The following TMEM63B variants were observed in gnomAD, a reference collection of about 807,000 sequenced individuals.
TMEM63B encodes transmembrane protein 63B.
A neutral mutation model predicts 102.6 loss-of-function variants in TMEM63B; 23 were observed. That is an observed-to-expected ratio of 0.22 (90% confidence interval 0.16 to 0.32). TMEM63B has a LOEUF of 0.32. Ranked by LOEUF, TMEM63B falls within the 10% of genes least tolerant of loss-of-function variation. The pLI, the probability that TMEM63B is intolerant of heterozygous loss-of-function variation, is 1.00. For missense variants in TMEM63B, 628 were observed against 1,095.9 expected (o/e 0.57, Z 6.03); for synonymous variants, 444 against 437.0 (o/e 1.02, Z -0.20).
intron 12 of TMEM63B, among the ~76,000 whole-genome samples, chr6:44,147,981 G>A (rs1765772909): frequency 6.6e-6 from 1 of 152,220 alleles, no homozygotes; most frequent in South Asian, 2.1e-4. Flanking sequence ...AAATTAGCCA[G>A]GCATGGTACT....
At position 44,139,503 on chromosome 6, in the gene TMEM63B, C is replaced by T. The variant is rs1289007843; in HGVS notation, c.444C>T (p.Ala148=). Residue 148 remains alanine, a synonymous_variant, in exon 7 of 24, where the codon GCC becomes GCT. Coordinates refer to ENST00000323267, the MANE Select transcript of TMEM63B (RefSeq NM_018426.3). ...TCCGGGACAAATGTGGGGGCGATGC[C>T]GTGCACTACCTGTCCTTTCAGCGGC... is the stretch of plus-strand genomic sequence containing the variant. ...DEIRDKCGGD[A]VHYLSFQRHI... is the part of the protein sequence containing the mutation. The T allele has an allele frequency of 7.4e-6, 12 of 1,614,060 alleles. No individual in the cohort carries two copies. In the East Asian group the frequency reaches 8.9e-5, roughly 12 times the overall value.
Position 44,148,697 on chromosome 6 carries a change from C to T in TMEM63B, c.1259+47C>T. On this transcript the variant is annotated intron_variant, in intron 14 of 23. Transcript: ENST00000323267. The surrounding 1 kb of genome is among the most constrained non-coding windows in gnomAD (Gnocchi z 5.1). ...CAGGCTTTCCAGGGCCTGGGATGGG[C>T]TCAGTAGGTAGGCGGAGGAGAGGGA... 6.2e-7 allele frequency: 1 copy of T among 1,611,268 alleles called. No individual in the cohort carries two copies. Among genetic ancestry groups the T allele is most frequent in the Non-Finnish European group, 8.5e-7 (1 of 1,177,884 alleles).
chr6:44,148,948 G>A lies in TMEM63B; in HGVS notation c.1413+3G>A, dbSNP rs1186077879. 2.5e-6 allele frequency: 4 copies of A among 1,613,910 alleles called. No homozygotes were observed. The highest frequency in any genetic ancestry group is 3.3e-5 in the Admixed American group (2 of 60,000). ...CCAAGCCTGTGGAGTACCTCAACGTGAGGCCTCATGCCCCTGTCACTTTCC... is the reference window on the plus strand; with the variant it reads ...CCAAGCCTGTGGAGTACCTCAACGTAAGGCCTCATGCCCCTGTCACTTTCC... On this transcript the variant is annotated splice_donor_region_variant and intron_variant, in intron 15 of 23. Coordinates refer to ENST00000323267, the MANE Select transcript of TMEM63B (RefSeq NM_018426.3). This position sits in a 1 kb window ranked among gnomAD's most constrained non-coding sequence, Gnocchi z 5.1.
intron 5 of TMEM63B, chr6:44,138,276 CT>C: frequency 6.2e-6 from 3 of 484,368 alleles, no homozygotes; most frequent in East Asian, 4.2e-5. Context: ...TAGTGTTGGT[CT>C]TTTTTCTTTG....
At chr6:44,127,952 C>A (rs1014243526) in intron 1 of TMEM63B, 13 of 151,806 alleles carry the variant, frequency 8.6e-5, no homozygotes, top group African/African-American at 2.7e-4. Context: ...GTGGGACCCC[C>A]GCCCCCGGCC....
intron 6 of TMEM63B, among the ~76,000 whole-genome samples, chr6:44,139,155 T>C (rs1300399244): frequency 6.6e-6 from 1 of 152,136 alleles, no homozygotes; most frequent in Admixed American, 6.5e-5. Context: ...ATTCCTCATT[T>C]TTCTTCTTCC....
chr6:44,135,025 G>A lies in TMEM63B; in HGVS notation c.168G>A (p.Leu56=). 1.9e-6 allele frequency: 3 copies of A among 1,614,238 alleles called. No individual in the cohort carries two copies. Among genetic ancestry groups the A allele is most frequent in the Non-Finnish European group, 2.5e-6 (3 of 1,180,048 alleles). ...ALDFMCFLAL[L]FLFSILRKVA... ...GCCCCCTCTTCCCTCAGGCACTGCT[G>A]TTCTTATTCTCTATCCTCCGGAAGG... The change falls in exon 3 of 24, where the codon CTG becomes CTA. Residue 56 remains leucine, a synonymous_variant. Transcript: ENST00000323267.
chr6:44,134,462 C>G (rs556807094), intron 1 of TMEM63B, 99 bp from the exon 2 acceptor site: 189 of 1,281,812 alleles, frequency 1.5e-4, no homozygotes, highest in Non-Finnish European at 1.9e-4. Flanking sequence ...ACCCAGGCAG[C>G]CTGGTGATCT....
In TMEM63B at chr6:44,155,359, G is replaced by A. The variant is rs1040657945; in HGVS notation, c.*476G>A. 1 of 152,246 alleles carries A rather than the reference G, an allele frequency of 6.6e-6. No homozygotes were observed. The highest frequency in any genetic ancestry group is 2.4e-5 in the African/African-American group (1 of 41,376). 9.4% of individuals were successfully genotyped at this position (152,246 alleles called of 1,614,324 possible). On this transcript the variant is annotated 3_prime_UTR_variant, in exon 24 of 24. Coordinates refer to ENST00000323267, the MANE Select transcript of TMEM63B (RefSeq NM_018426.3). Reference sequence around the variant, plus strand: ...TAGGGGATGCATGAGGGGGGAGGGGGTGCTGAGTGGGAGGAAGAGTCAGGC... The same window carrying A: ...TAGGGGATGCATGAGGGGGGAGGGGATGCTGAGTGGGAGGAAGAGTCAGGC...
chr6:44,150,541 ATC>A lies in TMEM63B; in HGVS notation c.1608-18_1608-17del, dbSNP rs368317078. The A allele has an allele frequency of 4.7e-4, 764 of 1,613,494 alleles. 4 individuals carry two copies. In the African/African-American group the frequency reaches 9.0e-3, roughly 19 times the overall value. The stretch of plus-strand genomic sequence containing the variant: ...TCTGTACCACTCCAGCTCCCACCCC[ATC>A]TCTCCTCTGCTTCCCTCCAGCCTGG... On this transcript the variant is annotated intron_variant, in intron 17 of 23. Coordinates refer to ENST00000323267, the MANE Select transcript of TMEM63B (RefSeq NM_018426.3). The surrounding 1 kb of genome is among the most constrained non-coding windows in gnomAD (Gnocchi z 4.7).
chr6:44,129,034 A>G (rs145894587), intron 1 of TMEM63B, among the ~76,000 whole-genome samples: 2 of 152,308 alleles, frequency 1.3e-5, no homozygotes, highest in African/African-American at 4.8e-5. Context: ...TAGCTCTACT[A>G]TTCTTCAGCT....
intron 10 of TMEM63B, among the ~76,000 whole-genome samples, chr6:44,142,617 G>T (rs1011259665): frequency 6.6e-6 from 1 of 152,174 alleles, no homozygotes; most frequent in Non-Finnish European, 1.5e-5. Flanking sequence ...ATCAGAGATT[G>T]CTCTGAGGTC....
chr6:44,127,392 G>T (rs947909941), upstream of TMEM63B: 1 of 152,062 alleles, frequency 6.6e-6, no homozygotes, highest in Non-Finnish European at 1.5e-5. Context: ...CCAGCCAAGC[G>T]CCGCCTTCGC....
In TMEM63B at chr6:44,138,368, G is replaced by T. The variant is rs925643667; in HGVS notation, c.370-112G>T. ...GTATAAGGATTTTTTTTTAGTGAGG[G>T]GTGTGGAAGCTATGCCTGGAGGTAA... On this transcript the variant is annotated intron_variant, in intron 5 of 23. Transcript: ENST00000323267. 5 of 1,321,684 alleles carry T rather than the reference G, an allele frequency of 3.8e-6. No individual in the cohort carries two copies. In the African/African-American group the frequency reaches 7.3e-5, roughly 19 times the overall value. 81.9% of individuals were successfully genotyped at this position (1,321,684 alleles called of 1,614,324 possible).
intron 9 of TMEM63B, chr6:44,140,656 C>A: frequency 1.7e-6 from 1 of 575,356 alleles, no homozygotes; most frequent in Non-Finnish European, 3.1e-6. Context: ...AATATTCCTT[C>A]CCCTTCTACA....
chr6:44,146,888 G>C lies in TMEM63B; in HGVS notation c.824G>C (p.Cys275Ser). The C allele has an allele frequency of 6.2e-7, 1 of 1,614,136 alleles. No homozygotes were observed. Among genetic ancestry groups the C allele is most frequent in the Non-Finnish European group, 8.5e-7 (1 of 1,179,996 alleles). Residue 275 changes from cysteine (C) to serine (S), a missense_variant, in exon 11 of 24, where the codon TGT becomes TCT. Cys to Ser is a moderately radical substitution (Grantham distance 112). This residue lies in a region of TMEM63B where 336 missense variants were observed against 580.3 expected (regional missense o/e 0.58). Transcript: ENST00000323267. ...TGCACAGTTCTCGAAGCCCGCCCGT[G>C]TTACAACGTGGCTCGCCTAATGTTC... ...PNCTVLEARP[C>S]YNVARLMFLD...
chr6:44,140,948 C>G (rs1764121402), intron 9 of TMEM63B, 80 bp from the exon 10 acceptor site: 2 of 1,287,930 alleles, frequency 1.6e-6, no homozygotes, highest in Non-Finnish European at 2.2e-6. Flanking sequence ...GCCTCTTTCT[C>G]TAGTGCCCCC....
chr6:44,130,919 C>T (rs1778142472), intron 1 of TMEM63B, among the ~76,000 whole-genome samples: 1 of 149,104 alleles, frequency 6.7e-6, no homozygotes, highest in Non-Finnish European at 1.5e-5. Context: ...ACCCTGCCTA[C>T]TACTACTTTT....
Position 44,152,339 on chromosome 6 carries a change from C to G in TMEM63B, c.1837-254C>G, listed in dbSNP as rs1331459375. On this transcript the variant is annotated intron_variant, in intron 19 of 23. Coordinates refer to ENST00000323267, the MANE Select transcript of TMEM63B (RefSeq NM_018426.3). This position sits in a 1 kb window ranked among gnomAD's most constrained non-coding sequence, Gnocchi z 6.4. ...CACTCTCAAGTCCACCCAACTCTTG[C>G]CCCCTACCTGCCAGGCCCCGACCCT... is the stretch of plus-strand genomic sequence containing the variant. Among the ~76,000 whole-genome samples the G allele has an allele frequency of 2.0e-5, 3 of 151,990 alleles. No individual in the cohort carries two copies. Among genetic ancestry groups the G allele is most frequent in the African/African-American group, 7.2e-5 (3 of 41,394 alleles).
Sources: gnomAD v4.1 joint callset for allele counts (sites outside exome capture counted in the v4.1 genomes callset) on GRCh38, gnomAD v4.1.1 for gene constraint, gnomAD v4.1.1 regional missense constraint, Gnocchi (gnomAD v3.1) non-coding constraint, MANE v1.5 for transcripts, NCBI Gene and HGNC (gene_info 2026-07-23, HGNC 2026-07-21) for gene names.